ZFAND3: variants seen among roughly 807,000 people sequenced by gnomAD.
ZFAND3 encodes zinc finger AN1-type containing 3.
Under a neutral mutation model 29.6 loss-of-function variants are expected in ZFAND3, and 10 were observed. That is an observed-to-expected ratio of 0.34 (90% CI 0.21 to 0.57). The LOEUF (loss-of-function observed/expected upper bound fraction) is 0.57. ZFAND3 is among the 20% of genes least tolerant of loss of function. The pLI, the probability that ZFAND3 is intolerant of heterozygous loss-of-function variation, is 0.86. For missense variants in ZFAND3, 230 were observed against 304.5 expected, an observed-to-expected ratio of 0.76 and a Z score of 1.82; for synonymous variants, 128 against 112.6, an observed-to-expected ratio of 1.14 and a Z score of -0.87.
intron 2 of ZFAND3, among the ~76,000 whole-genome samples, chr6:38,031,634 T>G (rs2842500): frequency 0.3 from 45,568 of 152,098 alleles, 7,525 homozygotes; most frequent in Non-Finnish European, 0.38. Context: ...TGAGCAAATT[T>G]CTTAACCTCT....
intron 1 of ZFAND3, among the ~76,000 whole-genome samples, chr6:37,863,857 G>A (rs1764538418): frequency 6.6e-6 from 1 of 152,164 alleles, no homozygotes; most frequent in Admixed American, 6.5e-5. Context: ...CTCCATGAGG[G>A]CAGGGATTGT....
intron 5 of ZFAND3, among the ~76,000 whole-genome samples, chr6:38,128,247 A>G (rs1765675202): frequency 6.6e-6 from 1 of 152,244 alleles, no homozygotes; most frequent in African/African-American, 2.4e-5. Context: ...AGTTAAAACT[A>G]ATTTATGTTA....
chr6:37,952,558 CTT>C (rs1762016790), intron 2 of ZFAND3, among the ~76,000 whole-genome samples: 1 of 151,972 alleles, frequency 6.6e-6, no homozygotes, highest in Admixed American at 6.6e-5. Context: ...GTAATATCCT[CTT>C]GTCATTTATG....
chr6:37,891,580 CTAAATAAATAAATAA>C (rs1333950445), intron 1 of ZFAND3, among the ~76,000 whole-genome samples: 1 of 139,768 alleles, frequency 7.2e-6, no homozygotes, highest in Non-Finnish European at 1.5e-5. Flanking sequence ...CCAGCCTGGG[CTAAATAAATAAATAA>C]TAAATAAATA....
chr6:38,123,055 A>G lies in ZFAND3; in HGVS notation c.529+6316A>G, dbSNP rs115991078. ...GTTCGTTTATAGTGAGAAGCCATCA[A>G]TAGTTTTGAATACAGTCAACATGAT... On this transcript the variant is annotated intron_variant, in intron 5 of 5. Transcript: ENST00000287218. Among the ~76,000 whole-genome samples, 344 of 152,352 alleles carry G rather than the reference A, an allele frequency of 2.3e-3. 3 individuals carry two copies. Among genetic ancestry groups the G allele is most frequent in the African/African-American group, 7.6e-3 (316 of 41,592 alleles).
At chr6:37,889,867 T>C (rs1221811360) in intron 1 of ZFAND3, among the ~76,000 whole-genome samples, 2 of 152,264 alleles carry the variant, frequency 1.3e-5, no homozygotes, top group Non-Finnish European at 2.9e-5. Context: ...AGAAGCTACA[T>C]AATACATATT....
In ZFAND3 at chr6:38,153,288, A is replaced by G; in HGVS notation, c.*899A>G. On this transcript the variant is annotated 3_prime_UTR_variant, in exon 6 of 6. Coordinates refer to ENST00000287218, the MANE Select transcript of ZFAND3 (RefSeq NM_021943.3). ...GGAGTTTTTTAAAAAGACATTTCATAGCCAACAAGAATCAGTAGAAGTGCT... is the reference window on the plus strand; with the variant it reads ...GGAGTTTTTTAAAAAGACATTTCATGGCCAACAAGAATCAGTAGAAGTGCT... 1 of 985,498 alleles carries G rather than the reference A, an allele frequency of 1.0e-6. No individual in the cohort carries two copies. Among genetic ancestry groups the G allele is most frequent in the Non-Finnish European group, 1.2e-6 (1 of 829,964 alleles). 61.0% of individuals were successfully genotyped at this position (985,498 alleles called of 1,614,324 possible).
chr6:37,943,018 G>A (rs1761838393), intron 2 of ZFAND3, among the ~76,000 whole-genome samples: 3 of 152,104 alleles, frequency 2.0e-5, no homozygotes. Flanking sequence ...ATTAACCTAT[G>A]CAAACAAGAG....
chr6:38,113,440 G>T (rs1765357688), intron 4 of ZFAND3, among the ~76,000 whole-genome samples: 1 of 152,104 alleles, frequency 6.6e-6, no homozygotes, highest in Admixed American at 6.5e-5. Context: ...ATAACTCAGT[G>T]GTCTTTATAT....
intron 1 of ZFAND3, among the ~76,000 whole-genome samples, chr6:37,839,792 C>G (rs1462153012): frequency 1.3e-5 from 2 of 152,120 alleles, no homozygotes; most frequent in African/African-American, 4.8e-5. Context: ...GGATTACAGG[C>G]TTGAGCCACC....
At chr6:38,049,885 C>T (rs1261842063) in intron 2 of ZFAND3, among the ~76,000 whole-genome samples, 2 of 126,462 alleles carry the variant, frequency 1.6e-5, no homozygotes, top group Admixed American at 1.6e-4. Flanking sequence ...CACCCCCACC[C>T]CCACCCCCTC....
At chr6:38,033,676 T>G (rs1305584649) in intron 2 of ZFAND3, among the ~76,000 whole-genome samples, 1 of 152,192 alleles carries the variant, frequency 6.6e-6, no homozygotes, top group East Asian at 1.9e-4. Flanking sequence ...TGCCTATAAT[T>G]GACTGTACTT....
At chr6:37,871,987 A>G (rs1012364038) in intron 1 of ZFAND3, among the ~76,000 whole-genome samples, 3 of 152,192 alleles carry the variant, frequency 2.0e-5, no homozygotes, top group Non-Finnish European at 2.9e-5. Context: ...CCATGCATGT[A>G]TATTTCATGG....
At chr6:38,112,789 C>T (rs1019126615) in intron 4 of ZFAND3, among the ~76,000 whole-genome samples, 2 of 152,132 alleles carry the variant, frequency 1.3e-5, no homozygotes, top group African/African-American at 4.8e-5. Context: ...CTTATTTAAG[C>T]AACTCGCCCT....
chr6:37,883,890 A>G (rs1335987471), intron 1 of ZFAND3, among the ~76,000 whole-genome samples: 2 of 144,902 alleles, frequency 1.4e-5, no homozygotes, highest in Non-Finnish European at 3.0e-5. Context: ...CCACCTAACT[A>G]GTTCATAATG....
chr6:37,880,022 T>C (rs1239000475), intron 1 of ZFAND3, among the ~76,000 whole-genome samples: 1 of 152,228 alleles, frequency 6.6e-6, no homozygotes, highest in Non-Finnish European at 1.5e-5. Flanking sequence ...TTGTGAGATA[T>C]GGGTCATTTT....
intron 4 of ZFAND3, among the ~76,000 whole-genome samples, chr6:38,085,193 G>A (rs933740688): frequency 1.3e-5 from 2 of 152,184 alleles, no homozygotes; most frequent in African/African-American, 4.8e-5. Context: ...TCATATCTAT[G>A]ACATGTGCTG....
At chr6:37,847,581 CA>C (rs1764205182) in intron 1 of ZFAND3, among the ~76,000 whole-genome samples, 1 of 152,054 alleles carries the variant, frequency 6.6e-6, no homozygotes, top group African/African-American at 2.4e-5. Flanking sequence ...GAATATTAGA[CA>C]ATCAGAGTAC....
At chr6:37,873,467 G>A (rs964844927) in intron 1 of ZFAND3, among the ~76,000 whole-genome samples, 2 of 152,116 alleles carry the variant, frequency 1.3e-5, no homozygotes, top group African/African-American at 2.4e-5. Flanking sequence ...TCATTTATGC[G>A]GTTGTGATTC....
Sources: gnomAD v4.1 joint callset for allele counts (sites outside exome capture counted in the v4.1 genomes callset) on GRCh38, gnomAD v4.1.1 for gene constraint, MANE v1.5 for transcripts, NCBI Gene and HGNC (gene_info 2026-07-23, HGNC 2026-07-21) for gene names.